SGIP1: variants seen among roughly 807,000 people sequenced by gnomAD.
The protein encoded by SGIP1 is SH3-containing GRB2-like protein 3-interacting protein 1.
Under a neutral mutation model 107.5 loss-of-function variants are expected in SGIP1, and 38 were observed. That is an observed-to-expected ratio of 0.35 (90% CI 0.27 to 0.46). The LOEUF is 0.46. Among genes scored for constraint, SGIP1 ranks in the 20% least tolerant of loss-of-function variants. SGIP1 has a pLI of 1.00. For synonymous variants in SGIP1, 365 were observed against 366.1 expected (o/e 1.00, Z 0.03); for missense variants, 929 against 1,019.5 (o/e 0.91, Z 1.21).
At chr1:66,611,761 A>G (rs551221850) in intron 1 of SGIP1, among the ~76,000 whole-genome samples, 17 of 152,144 alleles carry the variant, frequency 1.1e-4, no homozygotes, top group Non-Finnish European at 1.9e-4. Context: ...AATCAAAGAT[A>G]CTTCTTAGGT....
chr1:66,739,516 C>A lies in SGIP1; in HGVS notation c.2213C>A (p.Ala738Glu). Residue 738 changes from alanine to glutamate, a missense_variant, in exon 22 of 25, where the codon GCA becomes GAA. By Grantham distance (107) the Ala-to-Glu change is moderately radical. Around this residue, in one of 2 missense-constraint regions of SGIP1, gnomAD observed 341 missense variants for 430.9 expected, o/e 0.79. Coordinates refer to ENST00000371037, the MANE Select transcript of SGIP1 (RefSeq NM_032291.4). Reference protein sequence around the residue: ...PIDGGVTKLQAVLPPAVWNAE... With the variant: ...PIDGGVTKLQEVLPPAVWNAE... ...GACGGAGGAGTCACCAAGCTCCAGG[C>A]AGTGCTCCCACCAGCAGTCTGGTAT... 1 of 1,613,984 alleles carries A rather than the reference C, an allele frequency of 6.2e-7. No individual in the cohort carries two copies. The highest frequency in any genetic ancestry group is 8.5e-7 in the Non-Finnish European group (1 of 1,180,020).
chr1:66,628,786 C>T (rs1308387534), intron 2 of SGIP1, among the ~76,000 whole-genome samples: 1 of 152,174 alleles, frequency 6.6e-6, no homozygotes, highest in Non-Finnish European at 1.5e-5. Context: ...CGGGTAGAGG[C>T]CCAATATCTC....
intron 6 of SGIP1, 121 bp from the exon 7 acceptor site, chr1:66,643,423 T>A (rs1261025748): frequency 7.0e-6 from 5 of 709,950 alleles, no homozygotes; most frequent in Non-Finnish European, 1.2e-5. Context: ...CTTTTGTATG[T>A]TTTGCTTTGA....
intron 15 of SGIP1, among the ~76,000 whole-genome samples, chr1:66,688,527 A>G (rs905092736): frequency 2.6e-5 from 4 of 152,208 alleles, no homozygotes; most frequent in Admixed American, 1.3e-4. Context: ...AATCCTCTAA[A>G]TTCAGTGCAT....
At chr1:66,583,846 CA>C (rs1453017078) in intron 1 of SGIP1, among the ~76,000 whole-genome samples, 1 of 152,142 alleles carries the variant, frequency 6.6e-6, no homozygotes, top group Non-Finnish European at 1.5e-5. Flanking sequence ...GTAGTCAACA[CA>C]TAATACCTGC....
intron 15 of SGIP1, among the ~76,000 whole-genome samples, chr1:66,684,955 G>C (rs958600653): frequency 6.6e-6 from 1 of 152,182 alleles, no homozygotes; most frequent in Non-Finnish European, 1.5e-5. Flanking sequence ...GTAGAAAATT[G>C]AACTGGGCCA....
chr1:66,567,664 T>C (rs906676431), intron 1 of SGIP1, among the ~76,000 whole-genome samples: 3 of 152,214 alleles, frequency 2.0e-5, no homozygotes, highest in Non-Finnish European at 4.4e-5. Context: ...TTAATCCATC[T>C]TGAGTTAATT....
intron 18 of SGIP1, among the ~76,000 whole-genome samples, chr1:66,697,048 C>T (rs985172939): frequency 1.3e-5 from 2 of 152,166 alleles, no homozygotes; most frequent in African/African-American, 4.8e-5. Context: ...TTTGCCAACC[C>T]TCAAATCATT....
chr1:66,643,904 G>C, intron 7 of SGIP1, 185 bp downstream of exon 7: 1 of 417,228 alleles, frequency 2.4e-6, no homozygotes, highest in Non-Finnish European at 4.0e-6. Context: ...TTATATTGCA[G>C]TCCTTGTGCT....
intron 1 of SGIP1, among the ~76,000 whole-genome samples, chr1:66,621,789 T>C (rs11208926): frequency 0.15 from 22,568 of 152,288 alleles, 2,195 homozygotes; most frequent in East Asian, 0.46. Flanking sequence ...TTTTTCCTTT[T>C]TATGGCTGAA....
At chr1:66,648,008 G>T (rs1266317949) in intron 7 of SGIP1, among the ~76,000 whole-genome samples, 1 of 152,138 alleles carries the variant, frequency 6.6e-6, no homozygotes, top group Non-Finnish European at 1.5e-5. Flanking sequence ...TGTGATGTGG[G>T]GTGGGCAGAG....
chr1:66,732,875 A>G (rs950907598), intron 20 of SGIP1, among the ~76,000 whole-genome samples: 3 of 152,172 alleles, frequency 2.0e-5, no homozygotes, highest in Non-Finnish European at 2.9e-5. Context: ...TTATTGCACT[A>G]TATAGGATAT....
intron 1 of SGIP1, among the ~76,000 whole-genome samples, chr1:66,597,554 A>T (rs2064965237): frequency 6.6e-6 from 1 of 152,164 alleles, no homozygotes; most frequent in South Asian, 2.1e-4. Context: ...GTATGTTTCC[A>T]CTTAGCCCTG....
At chr1:66,680,944 T>C (rs1233477944) in intron 14 of SGIP1, among the ~76,000 whole-genome samples, 1 of 152,244 alleles carries the variant, frequency 6.6e-6, no homozygotes, top group Non-Finnish European at 1.5e-5. Context: ...CTGTAGAAGA[T>C]CATTCTTAAT....
chr1:66,715,807 A>C (rs564784048), intron 18 of SGIP1, among the ~76,000 whole-genome samples: 1 of 152,252 alleles, frequency 6.6e-6, no homozygotes, highest in African/African-American at 2.4e-5. Flanking sequence ...TTGTTTCATT[A>C]ATTTTAAACC....
rs1311183832 is a variant in SGIP1, at chr1:66,750,833, G to C, written c.*7738G>C. Among the ~76,000 whole-genome samples the C allele has an allele frequency of 1.3e-5, 2 of 152,248 alleles. No homozygotes were observed. On this transcript the variant is annotated 3_prime_UTR_variant, in exon 25 of 25. Transcript: ENST00000371037. Reference sequence around the variant, plus strand: ...TCTGCTGGGCAATGGTGACAGGAAAGTGTGTAATTGACTTGTTGAAGATAA... The same window carrying C: ...TCTGCTGGGCAATGGTGACAGGAAACTGTGTAATTGACTTGTTGAAGATAA...
chr1:66,627,620 G>A (rs910789948), intron 2 of SGIP1, among the ~76,000 whole-genome samples: 1 of 151,984 alleles, frequency 6.6e-6, no homozygotes, highest in East Asian at 1.9e-4. Flanking sequence ...TTTTCTTTTT[G>A]CATTTTCTTT....
chr1:66,536,935 A>G (rs1319855590), intron 1 of SGIP1, among the ~76,000 whole-genome samples: 1 of 152,216 alleles, frequency 6.6e-6, no homozygotes, highest in Non-Finnish European at 1.5e-5. Context: ...TACTTTGTGT[A>G]AAGCAAGAGT....
chr1:66,639,952 T>A, intron 5 of SGIP1, 119 bp downstream of exon 5: 1 of 770,656 alleles, frequency 1.3e-6, no homozygotes, highest in Non-Finnish European at 2.1e-6. Context: ...TTAGGAAGTG[T>A]CTGGCATATT....
Sources: allele counts gnomAD v4.1 joint callset (sites outside exome capture counted in the v4.1 genomes callset), GRCh38; gene constraint gnomAD v4.1.1; regional missense constraint gnomAD v4.1.1; transcripts MANE v1.5; gene names NCBI Gene and HGNC (gene_info 2026-07-23, HGNC 2026-07-21).